Variants in ERICH6 observed in about 807,000 individuals in gnomAD.
ERICH6 encodes glutamate-rich protein 6.
Under a neutral mutation model 71.0 loss-of-function variants are expected in ERICH6, and 71 were observed. The observed-to-expected ratio is 1.00, with a 90% CI of 0.83 to 1.22. The LOEUF is 1.22. Ranked by LOEUF, ERICH6 falls within the 50% of genes most tolerant of loss-of-function variation. The probability of loss-of-function intolerance (pLI) is 0.00; values close to 1 mark genes in which losing one functional copy is unlikely to be tolerated. For synonymous variants in ERICH6, 262 were observed against 278.4 expected, an observed-to-expected ratio of 0.94 and a Z score of 0.59; for missense variants, 808 against 797.2, an observed-to-expected ratio of 1.01 and a Z score of -0.16.
At chr3:150,681,516 A>G (rs564726756) in intron 7 of ERICH6, among the ~76,000 whole-genome samples, 1 of 152,164 alleles carries the variant, frequency 6.6e-6, no homozygotes, top group Non-Finnish European at 1.5e-5. Flanking sequence ...ATTTTTGTAC[A>G]AGTTTTTGTG....
At chr3:150,665,827 C>CAA (rs530457228) in intron 13 of ERICH6, among the ~76,000 whole-genome samples, 17 of 69,876 alleles carry the variant, frequency 2.4e-4, no homozygotes, top group South Asian at 1.6e-3. Flanking sequence ...GGCTCCATCT[C>CAA]AAAAAAAAAA....
At chr3:150,699,325 A>C (rs577260973) in intron 2 of ERICH6, among the ~76,000 whole-genome samples, 2 of 152,270 alleles carry the variant, frequency 1.3e-5, no homozygotes, top group South Asian at 4.1e-4. Flanking sequence ...ACAAACAAAC[A>C]AACAAATAAA....
intron 12 of ERICH6, 69 bp from the exon 13 acceptor site, chr3:150,667,084 C>A: frequency 7.0e-7 from 1 of 1,430,124 alleles, no homozygotes. Context: ...TTATCCCTGT[C>A]ACTTGCTAAC....
Position 150,674,026 on chromosome 3 carries a change from G to T in ERICH6, c.1273C>A (p.Leu425Ile). The change falls in exon 11 of 14, where the codon CTC becomes ATC. Residue 425 changes from leucine to isoleucine, a missense_variant. By Grantham distance (5) the Leu-to-Ile change is conservative (BLOSUM62 2). Transcript: ENST00000295910. ...CCATGTTTGTAGTGCTTCTCTAAGA[G>T]CTCATTCCTGACAACCTATACACCA... ...IACGKVVRNE[L>I]LEKHYKHGSK... The T allele has an allele frequency of 6.2e-7, 1 of 1,613,906 alleles. No homozygotes were observed. The highest frequency in any genetic ancestry group is 8.5e-7 in the Non-Finnish European group (1 of 1,179,912).
At chr3:150,660,253 C>T in intron 13 of ERICH6, 98 bp from the exon 14 acceptor site, 1 of 1,368,232 alleles carries the variant, frequency 7.3e-7, no homozygotes, top group Non-Finnish European at 1.0e-6. Flanking sequence ...GGGTTGGATT[C>T]CCTGATGAGG....
At position 150,666,765 on chromosome 3, in the gene ERICH6, CTG is replaced by C. The variant is rs749455725; in HGVS notation, c.1728+20_1728+21del. On this transcript the variant is annotated intron_variant, in intron 13 of 13. Transcript: ENST00000295910. ...TTATTATTATTCTAAATGCTTTAAA[CTG>C]TTTTTAAAAATGTACCTACCTTCAC... is the stretch of plus-strand genomic sequence containing the variant. The C allele has an allele frequency of 7.5e-6, 12 of 1,597,534 alleles. No individual in the cohort carries two copies. The Admixed American group carries it at 2.0e-4, about 27-fold the overall frequency.
chr3:150,676,735 C>G (rs1711669666), intron 10 of ERICH6, among the ~76,000 whole-genome samples: 1 of 152,076 alleles, frequency 6.6e-6, no homozygotes, highest in Non-Finnish European at 1.5e-5. Context: ...CCCCTCAGCT[C>G]AGGTGATTCT....
chr3:150,703,866 T>C lies in ERICH6; in HGVS notation c.33A>G (p.Gly11=). MAHLRSPSGF[G]DPGKKDQKES... ...CCTTCTGGTCCTTCTTCCCCGGGTC[T>C]CCGAAGCCGCTAGGCGAGCGCAAGT... is the stretch of plus-strand genomic sequence containing the variant. The change falls in exon 1 of 14, where the codon GGA becomes GGG. Residue 11 remains glycine (G), a synonymous_variant. Transcript: ENST00000295910. 1 of 1,612,346 alleles carries C rather than the reference T, an allele frequency of 6.2e-7. No homozygotes were observed. Among genetic ancestry groups the C allele is most frequent in the Non-Finnish European group, 8.5e-7 (1 of 1,179,540 alleles).
intron 11 of ERICH6, among the ~76,000 whole-genome samples, chr3:150,671,739 C>A (rs1442953973): frequency 6.6e-6 from 1 of 152,202 alleles, no homozygotes; most frequent in Non-Finnish European, 1.5e-5. Context: ...AAAATCCTCC[C>A]ACCTCAGCCT....
At chr3:150,663,753 C>A (rs1222053025) in intron 13 of ERICH6, among the ~76,000 whole-genome samples, 1 of 152,130 alleles carries the variant, frequency 6.6e-6, no homozygotes, top group African/African-American at 2.4e-5. Flanking sequence ...GCTGGGATTA[C>A]AGGCATAAGC....
chr3:150,699,328 CAAAT>C (rs531360680), intron 2 of ERICH6, among the ~76,000 whole-genome samples: 9 of 152,190 alleles, frequency 5.9e-5, no homozygotes, highest in Admixed American at 5.2e-4. Flanking sequence ...AACAAACAAA[CAAAT>C]AAACCATGAC....
At chr3:150,686,092 G>T (rs1712174606) in intron 4 of ERICH6, 71 bp from the exon 5 acceptor site, 2 of 1,317,594 alleles carry the variant, frequency 1.5e-6, no homozygotes, top group South Asian at 1.2e-5. Context: ...TCTGTAATTT[G>T]GAGATTCACA....
chr3:150,672,048 G>GT (rs1197889042), intron 11 of ERICH6, among the ~76,000 whole-genome samples: 1 of 152,192 alleles, frequency 6.6e-6, no homozygotes, highest in African/African-American at 2.4e-5. Context: ...CTTTTGTTCA[G>GT]TAATAGGGGA....
At chr3:150,670,137 A>G (rs1711497976) in intron 11 of ERICH6, among the ~76,000 whole-genome samples, 1 of 152,200 alleles carries the variant, frequency 6.6e-6, no homozygotes. Flanking sequence ...TCCTAAGATC[A>G]GAAACTAAAC....
rs527795774 is a variant in ERICH6, at chr3:150,671,874, C to T, written c.1343+2082G>A. Among the ~76,000 whole-genome samples, 235 of 152,280 alleles carry T rather than the reference C, an allele frequency of 1.5e-3. 1 individual carries two copies. The highest frequency in any genetic ancestry group is 5.4e-3 in the African/African-American group (226 of 41,540). On this transcript the variant is annotated intron_variant, in intron 11 of 13. Coordinates refer to ENST00000295910, the MANE Select transcript of ERICH6 (RefSeq NM_152394.5). ...CAAATTGCTGAGCTCATGCGATCTG[C>T]CCACTGTGGCCTCTCAAAGGGCTGG...
At chr3:150,673,426 T>C (rs1711536913) in intron 11 of ERICH6, among the ~76,000 whole-genome samples, 1 of 152,238 alleles carries the variant, frequency 6.6e-6, no homozygotes, top group Non-Finnish European at 1.5e-5. Flanking sequence ...TGGGCTCAAG[T>C]AATCCTCCTG....
At chr3:150,697,380 A>C (rs1336085320) in intron 3 of ERICH6, among the ~76,000 whole-genome samples, 3 of 152,216 alleles carry the variant, frequency 2.0e-5, no homozygotes, top group Non-Finnish European at 4.4e-5. Flanking sequence ...GTACCATTAA[A>C]AGCTTAGCAA....
At chr3:150,698,754 C>T in intron 3 of ERICH6, 37 bp downstream of exon 3, 1 of 1,538,220 alleles carries the variant, frequency 6.5e-7, no homozygotes, top group East Asian at 2.2e-5. Context: ...CATGCAATCC[C>T]TCCTCCCAGG....
chr3:150,703,612 G>A lies in ERICH6; in HGVS notation c.287C>T (p.Pro96Leu). The change falls in exon 1 of 14, where the codon CCC becomes CTC. Residue 96 changes from proline (P) to leucine (L), a missense_variant. Around this residue, in one of 3 missense-constraint regions of ERICH6, gnomAD observed 736 missense variants for 712.2 expected, o/e 1.03. Transcript: ENST00000295910. ...DYDDDFPDVR[P>L]RLASIVSPSL... The stretch of plus-strand genomic sequence containing the variant: ...AGGGCTGACGATGCTGGCTAAGCGG[G>A]GGCGCACGTCTGGGAAGTCGTCGTC... 6.2e-7 allele frequency: 1 copy of A among 1,614,030 alleles called. No homozygotes were observed. Among genetic ancestry groups the A allele is most frequent in the South Asian group, 1.1e-5 (1 of 91,072 alleles).
Sources: gnomAD v4.1 joint callset for allele counts (sites outside exome capture counted in the v4.1 genomes callset) on GRCh38, gnomAD v4.1.1 for gene constraint, gnomAD v4.1.1 regional missense constraint, MANE v1.5 for transcripts, NCBI Gene and HGNC (gene_info 2026-07-23, HGNC 2026-07-21) for gene names.